PLEKHG4: variants seen among roughly 807,000 people sequenced by gnomAD.
PLEKHG4 encodes puratrophin-1.
A neutral mutation model predicts 136.9 loss-of-function variants in PLEKHG4; 85 were observed. That is an observed-to-expected ratio of 0.62 (90% confidence interval 0.52 to 0.74). The LOEUF (loss-of-function observed/expected upper bound fraction) is 0.74. Among genes scored for constraint, PLEKHG4 ranks in the 30% least tolerant of loss-of-function variants. PLEKHG4 has a pLI of 0.00. For synonymous variants in PLEKHG4, 577 were observed against 646.9 expected, an observed-to-expected ratio of 0.89 and a Z score of 1.64; for missense variants, 1,317 against 1,527.8, an observed-to-expected ratio of 0.86 and a Z score of 2.30.
rs966612625 is a variant in PLEKHG4, at chr16:67,287,018, A to G, written c.2944A>G (p.Thr982Ala). Reference protein sequence around the residue: ...RSFKMADLGLTECCGNSNLRF... With the variant: ...RSFKMADLGLAECCGNSNLRF... The stretch of plus-strand genomic sequence containing the variant: ...GCCACAGATGGCAGACCTTGGTCTC[A>G]CTGAGTGCTGTGGGAACAGCAACCT... Residue 982 changes from threonine (T) to alanine (A), a missense_variant, in exon 18 of 22, where the codon ACT becomes GCT. Transcript: ENST00000379344. 2 of 1,613,188 alleles carry G rather than the reference A, an allele frequency of 1.2e-6. No individual in the cohort carries two copies. The highest frequency in any genetic ancestry group is 2.7e-5 in the African/African-American group (2 of 74,902).
Position 67,285,076 on chromosome 16 carries a change from C to T in PLEKHG4, c.2056C>T (p.Leu686Phe). Residue 686 changes from leucine to phenylalanine, a missense_variant, in exon 13 of 22, where the codon CTC (leucine) becomes TTC (phenylalanine). Transcript: ENST00000379344. ...YSFDRNLGQS[L>F]SEPACHCHHA... ...CTTCGATCGGAATCTGGGGCAGAGT[C>T]TCAGTGAACCTGCCTGCCACTGCCA... The T allele has an allele frequency of 6.2e-7, 1 of 1,613,420 alleles. No individual in the cohort carries two copies. The highest frequency in any genetic ancestry group is 8.5e-7 in the Non-Finnish European group (1 of 1,180,026).
rs760689398 is a variant in PLEKHG4 at position 67,280,280 on chromosome 16, C to T, written c.236C>T (p.Ser79Leu). 7.4e-6 allele frequency: 12 copies of T among 1,613,784 alleles called. No homozygotes were observed. Among genetic ancestry groups the T allele is most frequent in the East Asian group, 6.7e-5 (3 of 44,878 alleles). Residue 79 changes from serine to leucine, a missense_variant, in exon 2 of 22, where the codon TCG becomes TTG. Ser to Leu is a moderately radical substitution (Grantham distance 145). Coordinates refer to ENST00000379344, the MANE Select transcript of PLEKHG4 (RefSeq NM_001129729.3). This position sits in a 1 kb window ranked among gnomAD's most constrained non-coding sequence, Gnocchi z 4.4. The stretch of plus-strand genomic sequence containing the variant: ...CAGTTACCCCCAGCTGCAGATGAGT[C>T]GGGGGATGCCCAGAGGGGCACAGTA... ...KFQLPPAADE[S>L]GDAQRGTVES...
rs374144842 is a variant in PLEKHG4, at chr16:67,280,879, C to G, written c.596-3C>G. 32 of 1,613,036 alleles carry G rather than the reference C, an allele frequency of 2.0e-5. No individual in the cohort carries two copies. The highest frequency in any genetic ancestry group is 2.5e-5 in the Non-Finnish European group (30 of 1,180,030). ...GCAGGAGTTCACTGCTTCCTCCCCA[C>G]AGGGACTCGGGATGTCCAAGGCCGG... On this transcript the variant is annotated splice_region_variant and splice_polypyrimidine_tract_variant and intron_variant, in intron 3 of 21. Coordinates refer to ENST00000379344, the MANE Select transcript of PLEKHG4 (RefSeq NM_001129729.3). The surrounding 1 kb of genome is among the most constrained non-coding windows in gnomAD (Gnocchi z 4.4).
chr16:67,283,716 A>T (rs1182239092), intron 11 of PLEKHG4, among the ~76,000 whole-genome samples: 1 of 151,972 alleles, frequency 6.6e-6, no homozygotes, highest in African/African-American at 2.4e-5. Context: ...GCTGTGAGGG[A>T]TGAGAGGAGG....
At position 67,280,673 on chromosome 16, in the gene PLEKHG4, G is replaced by C. The variant is rs1212478918; in HGVS notation, c.500-38G>C. 6.2e-7 allele frequency: 1 copy of C among 1,613,788 alleles called. No homozygotes were observed. The highest frequency in any genetic ancestry group is 1.1e-5 in the South Asian group (1 of 91,080). On this transcript the variant is annotated intron_variant, in intron 2 of 21. Coordinates refer to ENST00000379344, the MANE Select transcript of PLEKHG4 (RefSeq NM_001129729.3). The surrounding 1 kb of genome is among the most constrained non-coding windows in gnomAD (Gnocchi z 4.4). ...GGTCCAAGTAGGGGTCTCTGGATAG[G>C]TGGTCCAAGGCAGACCCAAGTCATT...
At position 67,280,772 on chromosome 16, in the gene PLEKHG4, G is replaced by A; in HGVS notation, c.561G>A (p.Trp187Ter). Reference protein sequence around the residue: ...ADCLLAQDLCWELLASGMATL... With the variant: ...ADCLLAQDLC ...GCCTCCTGGCCCAAGACCTCTGTTGGGAGCTGCTGGCCAGTGGTATGGCCA... is the reference window on the plus strand; with the variant it reads ...GCCTCCTGGCCCAAGACCTCTGTTGAGAGCTGCTGGCCAGTGGTATGGCCA... Residue 187 changes from tryptophan (W) to a stop codon, truncating the protein, a stop_gained, in exon 3 of 22, where the codon TGG becomes TGA. Transcript: ENST00000379344. LOFTEE classifies it high-confidence loss of function. This position sits in a 1 kb window ranked among gnomAD's most constrained non-coding sequence, Gnocchi z 4.4. 6.2e-7 allele frequency: 1 copy of A among 1,614,106 alleles called. No individual in the cohort carries two copies. Among genetic ancestry groups the A allele is most frequent in the Non-Finnish European group, 8.5e-7 (1 of 1,180,036 alleles).
At position 67,282,212 on chromosome 16, in the gene PLEKHG4, G is replaced by T. The variant is rs377074793; in HGVS notation, c.1116G>T (p.Gln372His). 3 of 1,613,504 alleles carry T rather than the reference G, an allele frequency of 1.9e-6. No homozygotes were observed. The African/African-American group carries it at 4.0e-5, about 22-fold the overall frequency. ...GCCCTCAATCACAGGAGGTCGGTCA[G>T]CTGCTACAGCAGACAGAGGTCCTGA... ...PQPMEPGEVG[Q>H]LLQQTEVLMQ... Residue 372 changes from glutamine to histidine, a missense_variant, in exon 9 of 22, where the codon CAG becomes CAT. Gln to His is a conservative substitution (Grantham distance 24). Coordinates refer to ENST00000379344, the MANE Select transcript of PLEKHG4 (RefSeq NM_001129729.3).
In PLEKHG4 at chr16:67,288,872, A is replaced by G; in HGVS notation, c.*64A>G. On this transcript the variant is annotated 3_prime_UTR_variant, in exon 22 of 22. Transcript: ENST00000379344. Reference sequence around the variant, plus strand: ...GCTCCAAGGAACATTGCCTCTCTGGATCTGCTGTGACCAGGGTGTGGCTGA... The same window carrying G: ...GCTCCAAGGAACATTGCCTCTCTGGGTCTGCTGTGACCAGGGTGTGGCTGA... 6.3e-7 allele frequency: 1 copy of G among 1,582,116 alleles called. No homozygotes were observed. Among genetic ancestry groups the G allele is most frequent in the South Asian group, 1.1e-5 (1 of 88,568 alleles).
rs749115083 is a variant in PLEKHG4, at chr16:67,282,823, C to A, written c.1474C>A (p.Gln492Lys). ...CTCGCTGGACATGCTGCTCCAGGCC[C>A]AAGGCTCTTTTCAGGAGCTGTACCA... ...EPSLDMLLQAQGSFQELYQVA... is the reference protein window; with the variant it reads ...EPSLDMLLQAKGSFQELYQVA... The change falls in exon 11 of 22, where the codon CAA (glutamine) becomes AAA (lysine). Residue 492 changes from glutamine (Q) to lysine (K), a missense_variant. Coordinates refer to ENST00000379344, the MANE Select transcript of PLEKHG4 (RefSeq NM_001129729.3). 3.1e-6 allele frequency: 5 copies of A among 1,613,434 alleles called. No homozygotes were observed. Among genetic ancestry groups the A allele is most frequent in the Non-Finnish European group, 4.2e-6 (5 of 1,180,010 alleles).
rs756381049 is a variant in PLEKHG4, at chr16:67,284,366, T to C, written c.1601T>C (p.Leu534Pro). Reference sequence around the variant, plus strand: ...CCCCCTGGGGCACGCTTTCTGGCCCTGCGAGCCCAGCTGACTGAATTCTCT... The same window carrying C: ...CCCCCTGGGGCACGCTTTCTGGCCCCGCGAGCCCAGCTGACTGAATTCTCT... ...LDPPGARFLALRAQLTEFSRA... is the reference protein window; with the variant it reads ...LDPPGARFLAPRAQLTEFSRA... Residue 534 changes from leucine (L) to proline (P), a missense_variant, in exon 12 of 22, where the codon CTG (leucine) becomes CCG (proline). Leu to Pro is a moderately conservative substitution (Grantham distance 98). Coordinates refer to ENST00000379344, the MANE Select transcript of PLEKHG4 (RefSeq NM_001129729.3). The surrounding 1 kb of genome is among the most constrained non-coding windows in gnomAD (Gnocchi z 4.4). 6.2e-7 allele frequency: 1 copy of C among 1,614,034 alleles called. No homozygotes were observed. Among genetic ancestry groups the C allele is most frequent in the African/African-American group, 1.3e-5 (1 of 75,024 alleles).
intron 18 of PLEKHG4, chr16:67,287,424 G>A: frequency 1.7e-6 from 1 of 578,156 alleles, no homozygotes; most frequent in South Asian, 2.0e-5. Context: ...TTTGGAGACA[G>A]GGTCTCGCTC....
chr16:67,288,125 T>TGGG, intron 19 of PLEKHG4, 42 bp from the exon 20 acceptor site: 1 of 1,570,536 alleles, frequency 6.4e-7, no homozygotes, highest in Non-Finnish European at 8.8e-7. Flanking sequence ...GGGGCCAGGC[T>TGGG]AGGCTCTGGC....
In PLEKHG4 at chr16:67,280,376, C is replaced by T; in HGVS notation, c.332C>T (p.Ser111Phe). ...GAGAGTCTCCTATGCCCCATGTCCTCCCACCTCAGCTTGGCACAGGGTGAG... is the reference window on the plus strand; with the variant it reads ...GAGAGTCTCCTATGCCCCATGTCCTTCCACCTCAGCTTGGCACAGGGTGAG... ...GVESLLCPMS[S>F]HLSLAQGESD... Residue 111 changes from serine to phenylalanine, a missense_variant, in exon 2 of 22, where the codon TCC (serine) becomes TTC (phenylalanine). Ser to Phe is a radical substitution (Grantham distance 155, BLOSUM62 -2). Coordinates refer to ENST00000379344, the MANE Select transcript of PLEKHG4 (RefSeq NM_001129729.3). The surrounding 1 kb of genome is among the most constrained non-coding windows in gnomAD (Gnocchi z 4.4). The T allele has an allele frequency of 6.2e-7, 1 of 1,612,440 alleles. No individual in the cohort carries two copies. The highest frequency in any genetic ancestry group is 8.5e-7 in the Non-Finnish European group (1 of 1,179,072).
At chr16:67,281,350 A>G (rs1275803151) in intron 5 of PLEKHG4, among the ~76,000 whole-genome samples, 166 bp downstream of exon 5, 1 of 151,668 alleles carries the variant, frequency 6.6e-6, no homozygotes, top group Non-Finnish European at 1.5e-5. Flanking sequence ...CAGCCTCCCA[A>G]TTAGCTGAGA....
chr16:67,285,840 T>C (rs1317446345), intron 14 of PLEKHG4, among the ~76,000 whole-genome samples: 1 of 151,804 alleles, frequency 6.6e-6, no homozygotes, highest in Non-Finnish European at 1.5e-5. Context: ...CAAGAGGAAG[T>C]CTTTGAGAGG....
intron 11 of PLEKHG4, among the ~76,000 whole-genome samples, chr16:67,283,456 G>A (rs926797460): frequency 3.3e-5 from 5 of 152,178 alleles, no homozygotes; most frequent in African/African-American, 4.8e-5. Flanking sequence ...TGACTTGGAG[G>A]ATGGGCATGG....
chr16:67,285,605 C>G, intron 14 of PLEKHG4, 69 bp downstream of exon 14: 1 of 1,556,842 alleles, frequency 6.4e-7, no homozygotes, highest in Non-Finnish European at 8.8e-7. Context: ...TGGGCACATG[C>G]TTGGTGCCAG....
In PLEKHG4 at chr16:67,282,337, G is replaced by C. The variant is rs1356375228; in HGVS notation, c.1241G>C (p.Ser414Thr). Reference protein sequence around the residue: ...LKQEVPEVTLSPDYRTAMDKA... With the variant: ...LKQEVPEVTLTPDYRTAMDKA... Reference sequence around the variant, plus strand: ...CAAGAGGTCCCAGAGGTGACCCTGAGCCCAGACTACAGGTGAGTGCAAGCC... The same window carrying C: ...CAAGAGGTCCCAGAGGTGACCCTGACCCCAGACTACAGGTGAGTGCAAGCC... The change falls in exon 9 of 22, where the codon AGC becomes ACC. Residue 414 changes from serine (S) to threonine (T), a missense_variant. Ser to Thr is a moderately conservative substitution (Grantham distance 58). Coordinates refer to ENST00000379344, the MANE Select transcript of PLEKHG4 (RefSeq NM_001129729.3). The C allele has an allele frequency of 2.5e-6, 4 of 1,612,548 alleles. No homozygotes were observed. The Admixed American group carries it at 6.7e-5, about 27-fold the overall frequency.
Position 67,285,062 on chromosome 16 carries a change from A to G in PLEKHG4, c.2042A>G (p.Asn681Ser). Residue 681 changes from asparagine (N) to serine (S), a missense_variant, in exon 13 of 22, where the codon AAT (asparagine) becomes AGT (serine). Transcript: ENST00000379344. ...PLRKAYSFDR[N>S]LGQSLSEPAC... ...AGGAAGGCCTACAGCTTCGATCGGA[A>G]TCTGGGGCAGAGTCTCAGTGAACCT... 2 of 1,613,486 alleles carry G rather than the reference A, an allele frequency of 1.2e-6. No individual in the cohort carries two copies. Among genetic ancestry groups the G allele is most frequent in the Non-Finnish European group, 1.7e-6 (2 of 1,180,020 alleles).
Sources: gnomAD v4.1 joint callset for allele counts (sites outside exome capture counted in the v4.1 genomes callset) on GRCh38, gnomAD v4.1.1 for gene constraint, Gnocchi (gnomAD v3.1) non-coding constraint, MANE v1.5 for transcripts, NCBI Gene and HGNC (gene_info 2026-07-23, HGNC 2026-07-21) for gene names.